Variants in VSIR observed in about 807,000 individuals in gnomAD.
VSIR encodes V-type immunoglobulin domain-containing suppressor of T-cell activation.
Under a neutral mutation model 31.0 loss-of-function variants are expected in VSIR, and 10 were observed. The observed-to-expected ratio is 0.32, with a 90% confidence interval of 0.20 to 0.55. The LOEUF (loss-of-function observed/expected upper bound fraction) is 0.55. VSIR is among the 20% of genes least tolerant of loss of function. The pLI is 0.93. For missense variants in VSIR, 356 were observed against 416.2 expected, an observed-to-expected ratio of 0.86 and a Z score of 1.26; for synonymous variants, 179 against 180.1, an observed-to-expected ratio of 0.99 and a Z score of 0.05.
intron 1 of VSIR, among the ~76,000 whole-genome samples, chr10:71,763,749 G>A (rs1036209275): frequency 4.6e-5 from 7 of 152,350 alleles, no homozygotes; most frequent in East Asian, 3.9e-4. Context: ...GCGAGTAGTC[G>A]GCGCTTGGTA....
At position 71,761,658 on chromosome 10, in the gene VSIR, TCTC is replaced by T. The variant is rs1026782030; in HGVS notation, c.448_450del (p.Glu150del). On this transcript the variant is annotated inframe_deletion, in exon 2 of 7. Transcript: ENST00000394957. ...CTGTGCTCCGAGTGGTGGTGCCTGA[TCTC>T]CACCACCAGGCAGCAGTAGAGGCCG... is the stretch of plus-strand genomic sequence containing the variant. 1.2e-6 allele frequency: 2 copies of T among 1,613,178 alleles called. No individual in the cohort carries two copies. Among genetic ancestry groups the T allele is most frequent in the African/African-American group, 2.7e-5 (2 of 75,034 alleles).
At chr10:71,753,670 G>T in intron 4 of VSIR, 1 of 436,282 alleles carries the variant, frequency 2.3e-6, no homozygotes. Flanking sequence ...CCACCAATTA[G>T]ATGCAGTGAC....
rs1455001424 is a variant in VSIR at position 71,749,593 on chromosome 10, C to T, written c.*1660G>A. The T allele has an allele frequency of 1.3e-5, 2 of 152,352 alleles. No homozygotes were observed. Among genetic ancestry groups the T allele is most frequent in the Non-Finnish European group, 2.9e-5 (2 of 68,152 alleles). 9.4% of individuals were successfully genotyped at this position (152,352 alleles called of 1,614,324 possible). A position where few individuals can be genotyped will look rare whatever the true frequency, so the allele number is the denominator to read the frequency against. ...GGGGTTTGGGCATATTCTGGCCACTCGAGGTGTCAGCCCCATCTCCGGGCC... is the reference window on the plus strand; with the variant it reads ...GGGGTTTGGGCATATTCTGGCCACTTGAGGTGTCAGCCCCATCTCCGGGCC... On this transcript the variant is annotated 3_prime_UTR_variant, in exon 7 of 7. Transcript: ENST00000394957.
At chr10:71,760,319 A>G (rs1009534212) in intron 3 of VSIR, among the ~76,000 whole-genome samples, 25 of 148,458 alleles carry the variant, frequency 1.7e-4, no homozygotes, top group Non-Finnish European at 1.5e-5. Context: ...ACACACATAT[A>G]TATATATATA....
intron 1 of VSIR, among the ~76,000 whole-genome samples, chr10:71,765,345 G>A (rs1349553350): frequency 6.6e-6 from 1 of 152,264 alleles, no homozygotes; most frequent in East Asian, 1.9e-4. Flanking sequence ...CAGCAGACAC[G>A]GGGCTGCAGG....
chr10:71,771,551 A>C (rs1840685638), intron 1 of VSIR, among the ~76,000 whole-genome samples: 1 of 152,104 alleles, frequency 6.6e-6, no homozygotes, highest in Non-Finnish European at 1.5e-5. Context: ...TGTCCTAGGG[A>C]GTTGGGTGAA....
At chr10:71,765,744 C>A (rs543709668) in intron 1 of VSIR, among the ~76,000 whole-genome samples, 2 of 152,228 alleles carry the variant, frequency 1.3e-5, no homozygotes, top group African/African-American at 4.8e-5. Flanking sequence ...CACTGGCCAC[C>A]CATCCCACAG....
Position 71,762,037 on chromosome 10 carries a change from AGAG to A in VSIR, c.83-14_83-12del, listed in dbSNP as rs558970366. ...AGGCTGCCACCGGACCTGCTCAGAG[AGAG>A]GAGAGCCCTGTCACCTGACTGATCC... On this transcript the variant is annotated splice_polypyrimidine_tract_variant and intron_variant, in intron 1 of 6. Transcript: ENST00000394957. The A allele has an allele frequency of 6.3e-7, 1 of 1,582,922 alleles. No individual in the cohort carries two copies. The highest frequency in any genetic ancestry group is 1.2e-5 in the South Asian group (1 of 86,280).
chr10:71,770,153 A>G (rs1332342583), intron 1 of VSIR, among the ~76,000 whole-genome samples: 1 of 152,246 alleles, frequency 6.6e-6, no homozygotes, highest in Non-Finnish European at 1.5e-5. Context: ...GAGAGCAAGC[A>G]GCTTAGATAG....
At chr10:71,753,120 A>G (rs1840048106) in intron 4 of VSIR, 118 bp from the exon 5 acceptor site, 3 of 1,168,534 alleles carry the variant, frequency 2.6e-6, no homozygotes, top group Non-Finnish European at 3.6e-6. Flanking sequence ...AGGGCCCTGC[A>G]CAGCTCCGGA....
chr10:71,756,466 G>T (rs1215006296), intron 3 of VSIR, among the ~76,000 whole-genome samples: 1 of 152,196 alleles, frequency 6.6e-6, no homozygotes, highest in African/African-American at 2.4e-5. Context: ...CAATGAACTT[G>T]TGCACGCAGC....
rs867902269 is a variant in VSIR at position 71,760,010 on chromosome 10, T to C, written c.568+858A>G. ...ATATACACACACACATACATATATATACACACACACATATATACACACACA... is the reference window on the plus strand; with the variant it reads ...ATATACACACACACATACATATATACACACACACACATATATACACACACA... On this transcript the variant is annotated intron_variant, in intron 3 of 6. Coordinates refer to ENST00000394957, the MANE Select transcript of VSIR (RefSeq NM_022153.2). Among the ~76,000 whole-genome samples the C allele has an allele frequency of 1.9e-4, 18 of 96,604 alleles. 1 individual carries two copies. The highest frequency in any genetic ancestry group is 7.4e-4 in the East Asian group (2 of 2,710). The allele number at this position is 96,604 out of a possible 152,430, so 63.4% of individuals were successfully genotyped here.
Position 71,762,042 on chromosome 10 carries a change from A to ACCT in VSIR, c.83-17_83-16insAGG. 6.3e-7 allele frequency: 1 copy of ACCT among 1,578,312 alleles called. No individual in the cohort carries two copies. On this transcript the variant is annotated splice_polypyrimidine_tract_variant and intron_variant, in intron 1 of 6. Transcript: ENST00000394957. ...GCCACCGGACCTGCTCAGAGAGAGG[A>ACCT]GAGCCCTGTCACCTGACTGATCCAG... is the stretch of plus-strand genomic sequence containing the variant.
intron 3 of VSIR, among the ~76,000 whole-genome samples, chr10:71,759,489 A>C (rs1308612693): frequency 1.3e-5 from 2 of 151,574 alleles, no homozygotes; most frequent in Non-Finnish European, 2.9e-5. Flanking sequence ...CCTGAGTGAC[A>C]GAGAGAGAGT....
chr10:71,761,487 G>A (rs1300535595), intron 2 of VSIR, 111 bp downstream of exon 2: 2 of 1,284,732 alleles, frequency 1.6e-6, no homozygotes, highest in East Asian at 2.5e-5. Context: ...TGGAGTGCCA[G>A]TGTTACCCAT....
At chr10:71,760,222 T>C (rs1564780230) in intron 3 of VSIR, among the ~76,000 whole-genome samples, 2 of 45,778 alleles carry the variant, frequency 4.4e-5, no homozygotes, top group African/African-American at 1.6e-4. Flanking sequence ...TATATATGTG[T>C]ATATATATGT....
At chr10:71,769,086 C>T (rs568819772) in intron 1 of VSIR, among the ~76,000 whole-genome samples, 13 of 152,336 alleles carry the variant, frequency 8.5e-5, no homozygotes, top group African/African-American at 2.6e-4. Context: ...TGCCTGGCCA[C>T]GTCTACCACA....
In VSIR at chr10:71,751,305, G is replaced by A. The variant is rs1564774604; in HGVS notation, c.899-15C>T. On this transcript the variant is annotated splice_polypyrimidine_tract_variant and intron_variant, in intron 6 of 6. Transcript: ENST00000394957. This position sits in a 1 kb window ranked among gnomAD's most constrained non-coding sequence, Gnocchi z 4.9. ...AGGGACAGGGTCTGCAAGAAAAGGAGAAGCAAAGTGAACGGGGCCCCTCTG... is the reference window on the plus strand; with the variant it reads ...AGGGACAGGGTCTGCAAGAAAAGGAAAAGCAAAGTGAACGGGGCCCCTCTG... The A allele has an allele frequency of 1.9e-6, 3 of 1,608,604 alleles. No individual in the cohort carries two copies. Among genetic ancestry groups the A allele is most frequent in the Non-Finnish European group, 2.5e-6 (3 of 1,177,096 alleles).
rs184340895 is a variant in VSIR, at chr10:71,758,938, C to T, written c.568+1930G>A. Among the ~76,000 whole-genome samples the T allele has an allele frequency of 2.9e-3, 445 of 151,930 alleles. 5 individuals are homozygous for T. The Middle Eastern group carries it at 0.048, about 16-fold the overall frequency. On this transcript the variant is annotated intron_variant, in intron 3 of 6. Coordinates refer to ENST00000394957, the MANE Select transcript of VSIR (RefSeq NM_022153.2). ...AGGCTGGAGTGCAGTGGTGTGATCT[C>T]GGCTCACTGCAACTTCTGCCTCCCA...
Sources: allele counts gnomAD v4.1 joint callset (sites outside exome capture counted in the v4.1 genomes callset), GRCh38; gene constraint gnomAD v4.1.1; non-coding constraint Gnocchi (gnomAD v3.1); transcripts MANE v1.5; gene names NCBI Gene and HGNC (gene_info 2026-07-23, HGNC 2026-07-21).